Variants in CFAP54 observed in about 807,000 individuals in gnomAD.
CFAP54 encodes the protein cilia and flagella associated protein 54.
CFAP54 carries 290 observed loss-of-function variants against 370.4 expected under a neutral mutation model. The observed-to-expected ratio is 0.78, with a 90% confidence interval of 0.71 to 0.86. The LOEUF (loss-of-function observed/expected upper bound fraction) is 0.86. CFAP54 is among the 40% of genes least tolerant of loss of function. The pLI is 0.00. For synonymous variants in CFAP54, 1,206 were observed against 1,236.5 expected (o/e 0.98, Z 0.52); for missense variants, 3,399 against 3,528.7 (o/e 0.96, Z 0.93).
Position 96,594,392 on chromosome 12 carries a change from T to C in CFAP54, c.3462T>C (p.Tyr1154=), listed in dbSNP as rs1468258194. 3.3e-6 allele frequency: 5 copies of C among 1,534,572 alleles called. No homozygotes were observed. Among genetic ancestry groups the C allele is most frequent in the Non-Finnish European group, 4.4e-6 (5 of 1,145,764 alleles). ...CCCTTCAAGCTGTGACTCAATGTTA[T>C]GGACTTCTTGCTCCCATAATTTATC... ...SYALQAVTQC[Y]GLLAPIIYHN... Residue 1154 remains tyrosine, a synonymous_variant, in exon 25 of 68, where the codon TAT becomes TAC. Coordinates refer to ENST00000524981, the MANE Select transcript of CFAP54 (RefSeq NM_001306084.2).
chr12:96,668,556 C>A (rs1957106661), intron 39 of CFAP54, among the ~76,000 whole-genome samples: 1 of 152,126 alleles, frequency 6.6e-6, no homozygotes, highest in African/African-American at 2.4e-5. Context: ...AAAAACCAAC[C>A]CCCATGATTC....
At chr12:96,630,445 A>G (rs1956594793) in intron 31 of CFAP54, 106 bp from the exon 32 acceptor site, 2 of 667,120 alleles carry the variant, frequency 3.0e-6, no homozygotes, top group Admixed American at 3.5e-5. Context: ...GAGGATATAA[A>G]CTACTGTATT....
intron 5 of CFAP54, among the ~76,000 whole-genome samples, chr12:96,517,345 A>G (rs1344406910): frequency 2.0e-5 from 3 of 152,178 alleles, no homozygotes; most frequent in African/African-American, 4.8e-5. Context: ...TTCTGGCACA[A>G]AAAACTTTGA....
intron 66 of CFAP54, among the ~76,000 whole-genome samples, chr12:96,836,860 C>A (rs1959187702): frequency 6.6e-6 from 1 of 152,098 alleles, no homozygotes; most frequent in Admixed American, 6.5e-5. Context: ...CAGACAAGAT[C>A]TCTGTCATCC....
At chr12:96,709,498 A>T (rs1246455399) in intron 48 of CFAP54, among the ~76,000 whole-genome samples, 1 of 152,108 alleles carries the variant, frequency 6.6e-6, no homozygotes, top group Non-Finnish European at 1.5e-5. Flanking sequence ...TATCAGGTTG[A>T]GCAATTTCTC....
intron 22 of CFAP54, among the ~76,000 whole-genome samples, chr12:96,587,164 A>C (rs1311682850): frequency 6.6e-6 from 1 of 152,212 alleles, no homozygotes; most frequent in East Asian, 1.9e-4. Context: ...TGTTTAGTAT[A>C]TATGGAGAGA....
At chr12:96,823,901 A>T (rs1322318070) in intron 65 of CFAP54, among the ~76,000 whole-genome samples, 1 of 152,170 alleles carries the variant, frequency 6.6e-6, no homozygotes, top group African/African-American at 2.4e-5. Flanking sequence ...CATGTGAAGG[A>T]GAGACGAGGG....
intron 60 of CFAP54, among the ~76,000 whole-genome samples, chr12:96,775,969 T>C (rs768305474): frequency 2.0e-5 from 3 of 152,228 alleles, no homozygotes; most frequent in Non-Finnish European, 4.4e-5. Flanking sequence ...GACCTGATAG[T>C]ATTTTTCTTG....
intron 39 of CFAP54, among the ~76,000 whole-genome samples, chr12:96,672,600 A>G (rs1475458525): frequency 6.6e-6 from 1 of 152,244 alleles, no homozygotes; most frequent in Non-Finnish European, 1.5e-5. Context: ...ATTACCCCTC[A>G]TAGTCAGAAA....
At chr12:96,826,002 T>C (rs972054319) in intron 65 of CFAP54, among the ~76,000 whole-genome samples, 2 of 143,610 alleles carry the variant, frequency 1.4e-5, no homozygotes, top group Non-Finnish European at 1.5e-5. Context: ...TAAATAACAA[T>C]ATATTAATAT....
chr12:96,695,946 C>T (rs987718439), intron 45 of CFAP54, among the ~76,000 whole-genome samples: 1 of 152,174 alleles, frequency 6.6e-6, no homozygotes. Flanking sequence ...ATACCCAAGA[C>T]AATAATGTTG....
At chr12:96,728,472 CT>C (rs1265745271) in intron 50 of CFAP54, among the ~76,000 whole-genome samples, 1 of 152,222 alleles carries the variant, frequency 6.6e-6, no homozygotes. Context: ...ATCGCATCAG[CT>C]CCTGAGGCTT....
intron 66 of CFAP54, among the ~76,000 whole-genome samples, chr12:96,859,795 G>A (rs528994914): frequency 1.8e-4 from 28 of 152,058 alleles, no homozygotes; most frequent in Non-Finnish European, 4.0e-4. Flanking sequence ...AATTGAAAAA[G>A]CCAATAATGG....
chr12:96,621,665 C>A lies in CFAP54; in HGVS notation c.3715C>A (p.Pro1239Thr). The change falls in exon 27 of 68, where the codon CCA (proline) becomes ACA (threonine). Residue 1239 changes from proline to threonine, a missense_variant. Transcript: ENST00000524981. ...TGGGAAAAAAATGTTGGACATCACA[C>A]CAGGATGCAAGTCTCTGTTTGATGG... is the stretch of plus-strand genomic sequence containing the variant. ...NYGKKMLDIT[P>T]GCKSLFDGSN... 6.5e-7 allele frequency: 1 copy of A among 1,528,974 alleles called. No individual in the cohort carries two copies. Among genetic ancestry groups the A allele is most frequent in the Non-Finnish European group, 8.8e-7 (1 of 1,142,498 alleles). 94.7% of individuals were successfully genotyped at this position (1,528,974 alleles called of 1,614,324 possible). A position where few individuals can be genotyped will look rare whatever the true frequency, so the allele number is the denominator to read the frequency against.
intron 33 of CFAP54, chr12:96,646,443 A>G (rs1956792561): frequency 6.6e-6 from 1 of 152,194 alleles, no homozygotes; most frequent in African/African-American, 2.4e-5. Flanking sequence ...AAAAGTCAGG[A>G]AACAAGAGGT....
intron 45 of CFAP54, among the ~76,000 whole-genome samples, chr12:96,698,789 A>G (rs7977522): frequency 0.27 from 40,782 of 152,036 alleles, 5,747 homozygotes; most frequent in African/African-American, 0.33. Flanking sequence ...CGTTTTGAAC[A>G]AAGAACTGGA....
At chr12:96,512,893 T>A (rs1955188834) in intron 4 of CFAP54, 93 bp from the exon 5 acceptor site, 1 of 682,014 alleles carries the variant, frequency 1.5e-6, no homozygotes, top group East Asian at 3.2e-5. Context: ...GATCACTTGT[T>A]TTGGGAACTA....
chr12:96,646,314 A>C (rs1956791100), intron 33 of CFAP54: 1 of 152,268 alleles, frequency 6.6e-6, no homozygotes, highest in Non-Finnish European at 1.5e-5. Flanking sequence ...TCACAAAAGA[A>C]TACATTTATG....
intron 1 of CFAP54, among the ~76,000 whole-genome samples, chr12:96,493,470 C>T (rs1225711099): frequency 3.3e-5 from 5 of 152,162 alleles, no homozygotes; most frequent in Non-Finnish European, 5.9e-5. Flanking sequence ...AGAGAGGGAA[C>T]TAGACAATAA....
Sources: allele counts gnomAD v4.1 joint callset (sites outside exome capture counted in the v4.1 genomes callset), GRCh38; gene constraint gnomAD v4.1.1; transcripts MANE v1.5; gene names NCBI Gene and HGNC (gene_info 2026-07-23, HGNC 2026-07-21).